The following CHL1 variants were observed in gnomAD, a reference collection of about 807,000 sequenced individuals.
CHL1 encodes the protein cell adhesion molecule L1 like, also known as neural cell adhesion molecule L1-like protein.
Under a neutral mutation model 141.9 loss-of-function variants are expected in CHL1, and 96 were observed. That is an observed-to-expected ratio of 0.68 (90% CI 0.57 to 0.80). The LOEUF is 0.80. Ranked by LOEUF, CHL1 falls within the 30% of genes least tolerant of loss-of-function variation. The pLI, the probability that CHL1 is intolerant of heterozygous loss-of-function variation, is 0.00. For missense variants in CHL1, 1,820 were observed against 1,457.2 expected (o/e 1.25, Z -4.05); for synonymous variants, 613 against 502.2 (o/e 1.22, Z -2.95).
intron 1 of CHL1, among the ~76,000 whole-genome samples, chr3:208,963 C>T (rs1232803281): frequency 6.6e-6 from 1 of 152,034 alleles, no homozygotes. Context: ...CAAAACAATG[C>T]TTATTTTCCT....
intron 1 of CHL1, among the ~76,000 whole-genome samples, chr3:205,600 A>G (rs1181364539): frequency 6.6e-6 from 1 of 152,160 alleles, no homozygotes; most frequent in Non-Finnish European, 1.5e-5. Flanking sequence ...TTTCCAAAGC[A>G]TCCTGAATTC....
chr3:401,356 G>A (rs753198444), intron 26 of CHL1, among the ~76,000 whole-genome samples: 2 of 152,104 alleles, frequency 1.3e-5, no homozygotes, highest in African/African-American at 2.4e-5. Context: ...AAGACTTCTC[G>A]TTCACATAAA....
intron 2 of CHL1, among the ~76,000 whole-genome samples, chr3:277,488 T>C (rs1559370746): frequency 1.3e-5 from 2 of 152,178 alleles, no homozygotes; most frequent in Non-Finnish European, 2.9e-5. Context: ...TATATTTTCA[T>C]TTTCTCTTTC....
intron 1 of CHL1, among the ~76,000 whole-genome samples, chr3:217,222 A>G (rs947843274): frequency 1.3e-5 from 2 of 152,320 alleles, no homozygotes; most frequent in East Asian, 1.9e-4. Flanking sequence ...GCTCCCAGAT[A>G]CAAAACAGGG....
chr3:382,396 T>C, intron 17 of CHL1, 78 bp from the exon 18 acceptor site: 1 of 1,475,484 alleles, frequency 6.8e-7, no homozygotes, highest in Non-Finnish European at 9.4e-7. Context: ...TTTGAACTTT[T>C]AATATTGAGT....
intron 2 of CHL1, among the ~76,000 whole-genome samples, chr3:251,042 A>T (rs1693648474): frequency 6.6e-6 from 1 of 152,126 alleles, no homozygotes; most frequent in South Asian, 2.1e-4. Context: ...TATAATGCAA[A>T]CAAATGTAAA....
Position 262,803 on chromosome 3 carries a change from C to G in CHL1, c.-95+18111C>G, listed in dbSNP as rs1574897602. Among the ~76,000 whole-genome samples the G allele has an allele frequency of 2.0e-5, 3 of 152,190 alleles. No homozygotes were observed. In the East Asian group the frequency reaches 5.8e-4, roughly 29 times the overall value. ...AGAAATCAGCATATTAATGTTAAAA[C>G]TCATAATGTTTAAGACATGGGAGTT... On this transcript the variant is annotated intron_variant, in intron 2 of 27. Transcript: ENST00000256509.
At chr3:325,056 G>A (rs1435869994) in intron 3 of CHL1, among the ~76,000 whole-genome samples, 1 of 150,390 alleles carries the variant, frequency 6.6e-6, no homozygotes, top group South Asian at 2.1e-4. Flanking sequence ...ATTCTCTAAG[G>A]AAACAGAACA....
chr3:317,791 G>C (rs552171683), intron 2 of CHL1, among the ~76,000 whole-genome samples: 131 of 151,870 alleles, frequency 8.6e-4, no homozygotes, highest in African/African-American at 3.0e-3. Flanking sequence ...ACCTTTTGTA[G>C]TTAAGGCAGT....
At chr3:270,462 C>T (rs1695542690) in intron 2 of CHL1, among the ~76,000 whole-genome samples, 1 of 152,080 alleles carries the variant, frequency 6.6e-6, no homozygotes, top group Non-Finnish European at 1.5e-5. Context: ...ACCACCTGGA[C>T]CTGGAAGCAC....
intron 5 of CHL1, among the ~76,000 whole-genome samples, chr3:329,070 G>A (rs534192537): frequency 7.9e-5 from 12 of 152,132 alleles, no homozygotes; most frequent in South Asian, 4.2e-4. Flanking sequence ...ATCAGTAATC[G>A]TCCCCTGAAG....
intron 1 of CHL1, among the ~76,000 whole-genome samples, chr3:214,095 T>G (rs1286368253): frequency 1.3e-5 from 2 of 152,220 alleles, no homozygotes; most frequent in African/African-American, 4.8e-5. Flanking sequence ...AGGAAGGCAG[T>G]GATATCCAGT....
At chr3:300,613 G>T (rs559995594) in intron 2 of CHL1, among the ~76,000 whole-genome samples, 17 of 152,088 alleles carry the variant, frequency 1.1e-4, no homozygotes, top group Non-Finnish European at 1.2e-4. Context: ...AATACCTTTG[G>T]CAATGACGAC....
intron 9 of CHL1, among the ~76,000 whole-genome samples, chr3:347,369 A>G (rs1702853047): frequency 1.3e-5 from 2 of 152,220 alleles, no homozygotes; most frequent in African/African-American, 4.8e-5. Context: ...AAATGCTGTT[A>G]GTAAATGTTA....
At chr3:385,609 C>T (rs1178468106) in intron 19 of CHL1, 12 of 152,318 alleles carry the variant, frequency 7.9e-5, no homozygotes, top group Admixed American at 7.9e-4. Context: ...GCGGGCAGAT[C>T]ACAAGATCAG....
intron 24 of CHL1, among the ~76,000 whole-genome samples, chr3:397,671 A>G (rs1036451931): frequency 1.3e-5 from 2 of 152,080 alleles, no homozygotes; most frequent in Non-Finnish European, 2.9e-5. Context: ...TTCTCACACC[A>G]CTTTCAAAAT....
At chr3:318,711 T>C (rs1700321594) in intron 2 of CHL1, among the ~76,000 whole-genome samples, 1 of 151,368 alleles carries the variant, frequency 6.6e-6, no homozygotes, top group African/African-American at 2.4e-5. Context: ...GTGGCCTTTA[T>C]TCTTTTGTTC....
At chr3:346,715 T>A (rs1702797782) in intron 9 of CHL1, among the ~76,000 whole-genome samples, 1 of 152,182 alleles carries the variant, frequency 6.6e-6, no homozygotes, top group African/African-American at 2.4e-5. Context: ...GATTTTGTGT[T>A]GGGTAATCCT....
At chr3:222,417 T>G (rs1308452344) in intron 1 of CHL1, among the ~76,000 whole-genome samples, 1 of 152,156 alleles carries the variant, frequency 6.6e-6, no homozygotes, top group Non-Finnish European at 1.5e-5. Context: ...AGCATAAAAT[T>G]TATTTACCCA....
Sources: allele counts gnomAD v4.1 joint callset (sites outside exome capture counted in the v4.1 genomes callset), GRCh38; gene constraint gnomAD v4.1.1; transcripts MANE v1.5; gene names NCBI Gene and HGNC (gene_info 2026-07-23, HGNC 2026-07-21).